Variants in SULF1 observed in about 807,000 individuals in gnomAD.
SULF1 encodes extracellular sulfatase Sulf-1.
Under a neutral mutation model 110.5 loss-of-function variants are expected in SULF1, and 46 were observed. The ratio of observed to expected loss-of-function variants is 0.42; its 90% CI spans 0.33 to 0.53. SULF1 has a LOEUF of 0.53. Ranked by LOEUF, SULF1 falls within the 20% of genes least tolerant of loss-of-function variation. The pLI is 0.12. For missense variants in SULF1, 941 were observed against 1,094.2 expected (o/e 0.86, Z 1.98); for synonymous variants, 371 against 387.1 (o/e 0.96, Z 0.49).
intron 3 of SULF1, among the ~76,000 whole-genome samples, chr8:69,502,430 A>G (rs1446053744): frequency 3.3e-5 from 5 of 152,158 alleles, no homozygotes; most frequent in Non-Finnish European, 7.4e-5. Context: ...TAGTGCCAAG[A>G]GCTTTCATGG....
upstream of SULF1, among the ~76,000 whole-genome samples, chr8:69,491,732 T>A (rs1013805651): frequency 6.6e-6 from 1 of 152,210 alleles, no homozygotes; most frequent in Non-Finnish European, 1.5e-5. Context: ...TAAGATCTGG[T>A]CAGCTGTCAG....
At chr8:69,581,882 G>A (rs1247954758) in intron 6 of SULF1, among the ~76,000 whole-genome samples, 1 of 152,106 alleles carries the variant, frequency 6.6e-6, no homozygotes, top group African/African-American at 2.4e-5. Context: ...TGACACCCAA[G>A]GCCCCCATCA....
At chr8:69,600,394 G>C (rs1168256771) in intron 8 of SULF1, among the ~76,000 whole-genome samples, 2 of 152,104 alleles carry the variant, frequency 1.3e-5, no homozygotes, top group Non-Finnish European at 2.9e-5. Flanking sequence ...TTATATGTTT[G>C]AATATATATA....
At chr8:69,537,964 CTTT>C (rs746746718) in intron 3 of SULF1, among the ~76,000 whole-genome samples, 5 of 141,916 alleles carry the variant, frequency 3.5e-5, no homozygotes, top group Admixed American at 7.1e-5. Context: ...ATTTCAAATC[CTTT>C]TTTTTTTTTT....
At chr8:69,469,057 C>T (rs996397787) in intron 1 of SULF1, among the ~76,000 whole-genome samples, 8 of 152,180 alleles carry the variant, frequency 5.3e-5, no homozygotes, top group Non-Finnish European at 5.9e-5. Context: ...AAACGGCAGC[C>T]GTGTTTTTGT....
chr8:69,657,612 C>T (rs368653389), intron 22 of SULF1, among the ~76,000 whole-genome samples: 6 of 152,290 alleles, frequency 3.9e-5, no homozygotes, highest in East Asian at 3.9e-4. Flanking sequence ...TTGGTGTCAA[C>T]GTTTTTTATC....
chr8:69,647,307 T>C (rs1313774823), intron 22 of SULF1, among the ~76,000 whole-genome samples: 1 of 152,182 alleles, frequency 6.6e-6, no homozygotes, highest in Non-Finnish European at 1.5e-5. Context: ...CAGTTTTTAA[T>C]GTCAATGCTA....
chr8:69,548,810 A>G (rs1024030454), intron 3 of SULF1, among the ~76,000 whole-genome samples: 1 of 152,080 alleles, frequency 6.6e-6, no homozygotes, highest in Non-Finnish European at 1.5e-5. Context: ...AAAACAAAAC[A>G]AAACAGTGAC....
rs78470635 is a variant in SULF1, at chr8:69,653,970, A to G, written c.2586-4535A>G. ...TTCCTAGAATTGCATTCAGCCATCA[A>G]TAATTAGTCCAGTCCATCATTCTGT... On this transcript the variant is annotated intron_variant, in intron 22 of 22. Transcript: ENST00000402687. Among the ~76,000 whole-genome samples, 718 of 152,342 alleles carry G rather than the reference A, an allele frequency of 4.7e-3. 20 individuals carry two copies. Among genetic ancestry groups the G allele is most frequent in the Admixed American group, 0.038 (584 of 15,302 alleles).
chr8:69,624,853 TCTCTTGATTA>T (rs1809878193), intron 15 of SULF1, among the ~76,000 whole-genome samples: 1 of 152,196 alleles, frequency 6.6e-6, no homozygotes, highest in African/African-American at 2.4e-5. Context: ...GTCTACTTAC[TCTCTTGATTA>T]GGAAATGTTT....
intron 3 of SULF1, among the ~76,000 whole-genome samples, chr8:69,536,492 CTGT>C (rs1444667268): frequency 6.6e-6 from 1 of 152,140 alleles, no homozygotes; most frequent in African/African-American, 2.4e-5. Flanking sequence ...TCTTTGCAGC[CTGT>C]TGTTTGTGTT....
chr8:69,520,278 C>T (rs1451296786), intron 3 of SULF1, among the ~76,000 whole-genome samples: 1 of 151,842 alleles, frequency 6.6e-6, no homozygotes, highest in African/African-American at 2.4e-5. Context: ...CCTTTTGTTC[C>T]TTTTTGACTA....
chr8:69,575,193 G>A (rs938258571), intron 5 of SULF1, among the ~76,000 whole-genome samples: 1 of 151,020 alleles, frequency 6.6e-6, no homozygotes, highest in Non-Finnish European at 1.5e-5. Context: ...CAGAGTAATC[G>A]AAATAGTTTT....
chr8:69,552,596 A>C (rs563028498), intron 3 of SULF1, among the ~76,000 whole-genome samples: 69 of 152,358 alleles, frequency 4.5e-4, no homozygotes, highest in South Asian at 2.5e-3. Context: ...AATCCCTTTG[A>C]GCCAGATGGG....
At chr8:69,524,143 G>C (rs1012624304) in intron 3 of SULF1, among the ~76,000 whole-genome samples, 3 of 135,298 alleles carry the variant, frequency 2.2e-5, no homozygotes, top group Admixed American at 7.8e-5. Flanking sequence ...ACAATAGAGA[G>C]CATGGAGGGA....
chr8:69,538,642 C>T (rs565115029), intron 3 of SULF1, among the ~76,000 whole-genome samples: 3 of 152,238 alleles, frequency 2.0e-5, no homozygotes, highest in African/African-American at 7.2e-5. Flanking sequence ...TCAAACCTTC[C>T]AACACTATAG....
upstream of SULF1, among the ~76,000 whole-genome samples, chr8:69,490,550 AT>A (rs1236371131): frequency 6.6e-6 from 1 of 152,212 alleles, no homozygotes; most frequent in Non-Finnish European, 1.5e-5. Flanking sequence ...TCCAAGCCAG[AT>A]TGCCTGGCCT....
chr8:69,623,815 T>C (rs1809795015), intron 14 of SULF1, 127 bp from the exon 15 acceptor site: 2 of 1,115,586 alleles, frequency 1.8e-6, no homozygotes, highest in East Asian at 5.1e-5. Context: ...GGCACCACGA[T>C]GCCACTCAGC....
chr8:69,579,011 A>C (rs1243777367), intron 6 of SULF1, among the ~76,000 whole-genome samples: 3 of 151,936 alleles, frequency 2.0e-5, no homozygotes, highest in Non-Finnish European at 4.4e-5. Context: ...AATAGAAAAA[A>C]TTAGCCAGGC....
Sources: gnomAD v4.1 joint callset for allele counts (sites outside exome capture counted in the v4.1 genomes callset) on GRCh38, gnomAD v4.1.1 for gene constraint, MANE v1.5 for transcripts, NCBI Gene and HGNC (gene_info 2026-07-23, HGNC 2026-07-21) for gene names.